The following PKHD1L1 variants were observed in gnomAD, a reference collection of about 807,000 sequenced individuals.
The protein encoded by PKHD1L1 is fibrocystin-L.
Under a neutral mutation model 462.9 loss-of-function variants are expected in PKHD1L1, and 434 were observed. The ratio of observed to expected loss-of-function variants is 0.94; its 90% CI spans 0.87 to 1.02. The LOEUF (loss-of-function observed/expected upper bound fraction) is 1.02. Ranked by LOEUF, PKHD1L1 falls within the 50% of genes least tolerant of loss-of-function variation. PKHD1L1 has a pLI of 0.00. For synonymous variants in PKHD1L1, 1,781 were observed against 1,750.0 expected (o/e 1.02, Z -0.44); for missense variants, 5,202 against 5,096.1 (o/e 1.02, Z -0.63).
At chr8:109,450,598 C>T (rs550679590) in intron 40 of PKHD1L1, among the ~76,000 whole-genome samples, 1 of 152,262 alleles carries the variant, frequency 6.6e-6, no homozygotes, top group East Asian at 1.9e-4. Context: ...TTGTCTCTGA[C>T]CTTGCCTTCA....
intron 23 of PKHD1L1, among the ~76,000 whole-genome samples, chr8:109,423,658 A>T (rs927763681): frequency 6.6e-6 from 1 of 152,206 alleles, no homozygotes. Flanking sequence ...TGTCTACAAA[A>T]AAACCTTGCT....
chr8:109,408,314 C>A, intron 18 of PKHD1L1, 108 bp downstream of exon 18: 1 of 1,035,570 alleles, frequency 9.7e-7, no homozygotes, highest in South Asian at 2.2e-5. Context: ...AAAAAAATCA[C>A]TGCAAATTAT....
intron 23 of PKHD1L1, among the ~76,000 whole-genome samples, chr8:109,421,848 C>T (rs1814491849): frequency 6.6e-6 from 1 of 152,108 alleles, no homozygotes; most frequent in South Asian, 2.1e-4. Context: ...TGTCAAAATT[C>T]TCCCATTTTT....
chr8:109,531,495 G>GAGAT lies in PKHD1L1; in HGVS notation c.*1413_*1416dup, dbSNP rs555019211. Among the ~76,000 whole-genome samples, 1 of 152,086 alleles carries GAGAT rather than the reference G, an allele frequency of 6.6e-6. No individual in the cohort carries two copies. Among genetic ancestry groups the GAGAT allele is most frequent in the Non-Finnish European group, 1.5e-5 (1 of 68,010 alleles). On this transcript the variant is annotated 3_prime_UTR_variant, in exon 78 of 78. Transcript: ENST00000378402. ...AGAGACAGAGAGGGAGGGGGAGAGA[G>GAGAT]AGATAGATAGAGAGAGAGAGAAAGC... is the stretch of plus-strand genomic sequence containing the variant.
chr8:109,399,950 T>G (rs1164847996), intron 12 of PKHD1L1, 126 bp from the exon 13 acceptor site: 4 of 1,008,134 alleles, frequency 4.0e-6, no homozygotes, highest in Non-Finnish European at 5.7e-6. Context: ...TGTAATTGTT[T>G]TGTCTGCACA....
rs1018090758 is a variant in PKHD1L1 at position 109,533,008 on chromosome 8, T to G, written c.*2918T>G. 8.5e-5 allele frequency among the ~76,000 whole-genome samples: 13 copies of G among 152,240 alleles called. No homozygotes were observed. The highest frequency in any genetic ancestry group is 3.1e-4 in the African/African-American group (13 of 41,450). On this transcript the variant is annotated 3_prime_UTR_variant, in exon 78 of 78. Transcript: ENST00000378402. ...CTTCTCCAAATGAGGAAACTTGAAATGTTGAAGGGTTAGGTTAAATTCCCA... is the reference window on the plus strand; with the variant it reads ...CTTCTCCAAATGAGGAAACTTGAAAGGTTGAAGGGTTAGGTTAAATTCCCA...
At chr8:109,376,926 A>G (rs937579690) in intron 2 of PKHD1L1, among the ~76,000 whole-genome samples, 1 of 152,190 alleles carries the variant, frequency 6.6e-6, no homozygotes, top group Non-Finnish European at 1.5e-5. Context: ...TCAATTAAAC[A>G]TCACTGGCAC....
intron 43 of PKHD1L1, 111 bp downstream of exon 43, chr8:109,452,985 T>C: frequency 1.1e-6 from 1 of 946,940 alleles, no homozygotes; most frequent in African/African-American, 1.7e-5. Context: ...ATCTTTTTAA[T>C]ATACAGTGTA....
intron 2 of PKHD1L1, among the ~76,000 whole-genome samples, chr8:109,375,857 TG>T (rs1811792129): frequency 1.3e-5 from 2 of 152,310 alleles, no homozygotes; most frequent in South Asian, 4.1e-4. Context: ...ATCGTTCCTC[TG>T]GAAGTTTTGT....
intron 57 of PKHD1L1, among the ~76,000 whole-genome samples, chr8:109,483,608 T>C (rs1261141488): frequency 6.7e-6 from 1 of 150,200 alleles, no homozygotes; most frequent in African/African-American, 2.4e-5. Flanking sequence ...AAAATATATA[T>C]ACATAATATA....
At position 109,448,273 on chromosome 8, in the gene PKHD1L1, G is replaced by A; in HGVS notation, c.5907G>A (p.Val1969=). 5 of 1,613,576 alleles carry A rather than the reference G, an allele frequency of 3.1e-6. No homozygotes were observed. The highest frequency in any genetic ancestry group is 4.2e-6 in the Non-Finnish European group (5 of 1,179,778). The stretch of plus-strand genomic sequence containing the variant: ...ATGATAGTGTGGTGCAGTGCATCGT[G>A]GGAGATCATGCTGGGGGCACATTTC... ...MANDSVVQCI[V]GDHAGGTFPV... Residue 1969 remains valine (V), a synonymous_variant, in exon 39 of 78, where the codon GTG becomes GTA. Coordinates refer to ENST00000378402, the MANE Select transcript of PKHD1L1 (RefSeq NM_177531.6).
At chr8:109,402,894 G>A (rs1248935819) in intron 14 of PKHD1L1, among the ~76,000 whole-genome samples, 1 of 152,046 alleles carries the variant, frequency 6.6e-6, no homozygotes, top group Non-Finnish European at 1.5e-5. Context: ...TGGGGAAAGA[G>A]TTTCATTCCT....
rs754819678 is a variant in PKHD1L1 at position 109,451,120 on chromosome 8, C to A, written c.6321C>A (p.Thr2107=). 3 of 1,611,614 alleles carry A rather than the reference C, an allele frequency of 1.9e-6. No individual in the cohort carries two copies. Among genetic ancestry groups the A allele is most frequent in the Non-Finnish European group, 2.5e-6 (3 of 1,178,512 alleles). The change falls in exon 41 of 78, where the codon ACC becomes ACA. Residue 2107 remains threonine (T), a synonymous_variant. Transcript: ENST00000378402. Reference sequence around the variant, plus strand: ...AGAGAGGCAGTACAGCAGGGGGCACCAGACTGACAGTCGTGGGATCAGGAT... The same window carrying A: ...AGAGAGGCAGTACAGCAGGGGGCACAAGACTGACAGTCGTGGGATCAGGAT... The part of the protein sequence containing the change: ...SPKRGSTAGG[T]RLTVVGSGFS...
At chr8:109,383,421 T>C (rs1262410865) in intron 4 of PKHD1L1, among the ~76,000 whole-genome samples, 2 of 121,110 alleles carry the variant, frequency 1.7e-5, no homozygotes, top group African/African-American at 3.2e-5. Context: ...ATATATTATA[T>C]ATAATATATA....
At chr8:109,403,136 C>T (rs1813359626) in intron 14 of PKHD1L1, among the ~76,000 whole-genome samples, 1 of 152,120 alleles carries the variant, frequency 6.6e-6, no homozygotes, top group Non-Finnish European at 1.5e-5. Context: ...CATCTGCTGC[C>T]TGGTATCTGT....
chr8:109,446,872 C>G (rs1001653081), intron 38 of PKHD1L1, among the ~76,000 whole-genome samples: 1 of 152,094 alleles, frequency 6.6e-6, no homozygotes, highest in Non-Finnish European at 1.5e-5. Flanking sequence ...ATTTGAAAGG[C>G]AAAATGTCAA....
rs151325219 is a variant in PKHD1L1 at position 109,531,206 on chromosome 8, T to C, written c.*1116T>C. Among the ~76,000 whole-genome samples the C allele has an allele frequency of 6.6e-6, 1 of 152,312 alleles. No individual in the cohort carries two copies. Among genetic ancestry groups the C allele is most frequent in the East Asian group, 1.9e-4 (1 of 5,184 alleles). ...CTCCTAGTACATTCACCTCAGATCATTGTTAGTCTTACTTAGCAGAAAATG... is the reference window on the plus strand; with the variant it reads ...CTCCTAGTACATTCACCTCAGATCACTGTTAGTCTTACTTAGCAGAAAATG... On this transcript the variant is annotated 3_prime_UTR_variant, in exon 78 of 78. Coordinates refer to ENST00000378402, the MANE Select transcript of PKHD1L1 (RefSeq NM_177531.6).
At chr8:109,426,884 C>G in intron 24 of PKHD1L1, 118 bp from the exon 25 acceptor site, 1 of 659,306 alleles carries the variant, frequency 1.5e-6, no homozygotes, top group East Asian at 2.6e-5. Context: ...AACGCCTGAC[C>G]TCAGGTGACC....
intron 38 of PKHD1L1, 92 bp from the exon 39 acceptor site, chr8:109,448,048 ATTC>A: frequency 8.9e-7 from 1 of 1,125,234 alleles, no homozygotes; most frequent in Non-Finnish European, 1.2e-6. Context: ...AACACTGGTT[ATTC>A]TTTTATTTGT....
Sources: gnomAD v4.1 joint callset for allele counts (sites outside exome capture counted in the v4.1 genomes callset) on GRCh38, gnomAD v4.1.1 for gene constraint, MANE v1.5 for transcripts, NCBI Gene and HGNC (gene_info 2026-07-23, HGNC 2026-07-21) for gene names.